The following DISC1 variants were observed in gnomAD, a reference collection of about 807,000 sequenced individuals.
The protein encoded by DISC1 is disrupted in schizophrenia 1 protein.
DISC1 carries 57 observed loss-of-function variants against 84.5 expected under a neutral mutation model. That is an observed-to-expected ratio of 0.67 (90% confidence interval 0.55 to 0.84). The LOEUF (loss-of-function observed/expected upper bound fraction) is 0.84. Among genes scored for constraint, DISC1 ranks in the 40% least tolerant of loss-of-function variants. The pLI is 0.00. For synonymous variants in DISC1, 411 were observed against 415.2 expected, an observed-to-expected ratio of 0.99 and a Z score of 0.12; for missense variants, 1,000 against 1,057.8, an observed-to-expected ratio of 0.95 and a Z score of 0.76.
At chr1:231,802,900 A>G (rs184249034) in intron 8 of DISC1, among the ~76,000 whole-genome samples, 2,330 of 152,070 alleles carry the variant, frequency 0.015, 38 homozygotes, top group Non-Finnish European at 0.021. Context: ...ACGGAGGCCC[A>G]TGAGGCTTCT....
At chr1:231,839,861 T>A (rs2082907707) in intron 9 of DISC1, among the ~76,000 whole-genome samples, 1 of 152,002 alleles carries the variant, frequency 6.6e-6, no homozygotes. Context: ...GGTGCCAGGC[T>A]CTTTTTAAAC....
At chr1:231,883,309 A>G (rs192873335) in intron 9 of DISC1, among the ~76,000 whole-genome samples, 24 of 152,252 alleles carry the variant, frequency 1.6e-4, no homozygotes, top group African/African-American at 5.3e-4. Context: ...TTCAGCAATG[A>G]ACAAAAAAAA....
At chr1:231,788,301 G>A (rs1338363691) in intron 6 of DISC1, among the ~76,000 whole-genome samples, 1 of 152,010 alleles carries the variant, frequency 6.6e-6, no homozygotes, top group Non-Finnish European at 1.5e-5. Flanking sequence ...AACAAAAAAA[G>A]TCCAAGAATC....
intron 9 of DISC1, among the ~76,000 whole-genome samples, chr1:231,838,526 T>C (rs2082789133): frequency 6.6e-6 from 1 of 152,200 alleles, no homozygotes; most frequent in Admixed American, 6.5e-5. Flanking sequence ...AGAACAACTG[T>C]AGCAAGAATA....
chr1:231,757,948 A>G (rs563991646), intron 4 of DISC1, among the ~76,000 whole-genome samples: 4 of 150,510 alleles, frequency 2.7e-5, no homozygotes, highest in Middle Eastern at 6.8e-3. Context: ...CAGGCACCCA[A>G]CAGGTTTATC....
intron 3 of DISC1, among the ~76,000 whole-genome samples, chr1:231,744,923 A>C (rs2073794585): frequency 6.6e-6 from 1 of 152,200 alleles, no homozygotes; most frequent in African/African-American, 2.4e-5. Flanking sequence ...TGTAAAAGAA[A>C]TGAAAATCAA....
intron 4 of DISC1, among the ~76,000 whole-genome samples, chr1:231,753,747 T>A (rs1221959531): frequency 1.3e-5 from 2 of 152,248 alleles, no homozygotes; most frequent in African/African-American, 4.8e-5. Flanking sequence ...GTTTCCTCTT[T>A]AAATATAAGT....
chr1:231,846,610 A>G lies in DISC1; in HGVS notation c.1981+28093A>G, dbSNP rs571084575. ...AGGTAGACACTCACGGTGCAGGGAC[A>G]CGCCAGTTCCAAATCGCATCTTTAC... On this transcript the variant is annotated intron_variant, in intron 9 of 12. Transcript: ENST00000439617. 3.9e-5 allele frequency among the ~76,000 whole-genome samples: 6 copies of G among 152,356 alleles called. No homozygotes were observed. The South Asian group carries it at 6.2e-4, about 16-fold the overall frequency.
intron 1 of DISC1, among the ~76,000 whole-genome samples, chr1:231,677,574 A>T (rs2125518200): frequency 6.6e-6 from 1 of 152,390 alleles, no homozygotes; most frequent in South Asian, 2.1e-4. Flanking sequence ...TCCTTACGAC[A>T]GCCTTTCAGG....
intron 9 of DISC1, among the ~76,000 whole-genome samples, chr1:231,913,862 T>A (rs199512910): frequency 6.6e-6 from 1 of 152,140 alleles, no homozygotes; most frequent in African/African-American, 2.4e-5. Context: ...ACATGCCGAG[T>A]GTCCATCTCC....
intron 8 of DISC1, among the ~76,000 whole-genome samples, chr1:231,808,937 C>A (rs981227394): frequency 6.6e-6 from 1 of 152,094 alleles, no homozygotes; most frequent in Non-Finnish European, 1.5e-5. Context: ...CACAGAGAGT[C>A]GGGAGGGCAG....
rs936789626 is a variant in DISC1, at chr1:231,834,149, G to C, written c.1981+15632G>C. 4.6e-5 allele frequency among the ~76,000 whole-genome samples: 7 copies of C among 152,092 alleles called. No individual in the cohort carries two copies. In the East Asian group the frequency reaches 1.4e-3, roughly 29 times the overall value. On this transcript the variant is annotated intron_variant, in intron 9 of 12. Transcript: ENST00000439617. ...CCAGCCACCTTTTTAAGAGGAAATT[G>C]CTGGGCAGGTGGGGGAGGGCTAGTC... is the stretch of plus-strand genomic sequence containing the variant.
chr1:231,855,521 C>A (rs201643007), intron 9 of DISC1: 106 of 731,178 alleles, frequency 1.4e-4, no homozygotes, highest in Non-Finnish European at 1.7e-4. Context: ...TTTGAACTCT[C>A]TTCATGAAGT....
chr1:231,955,329 T>G (rs1020374117), intron 9 of DISC1, among the ~76,000 whole-genome samples: 1 of 152,104 alleles, frequency 6.6e-6, no homozygotes, highest in Non-Finnish European at 1.5e-5. Flanking sequence ...ACTTGACATC[T>G]CCACTGAATT....
intron 3 of DISC1, among the ~76,000 whole-genome samples, chr1:231,734,535 A>G (rs1455483726): frequency 3.9e-5 from 6 of 152,098 alleles, no homozygotes; most frequent in Admixed American, 6.6e-5. Context: ...ACACACACAC[A>G]AGCTTGCTAG....
At chr1:231,814,144 C>T (rs2080633879) in intron 8 of DISC1, among the ~76,000 whole-genome samples, 1 of 152,088 alleles carries the variant, frequency 6.6e-6, no homozygotes, top group South Asian at 2.1e-4. Context: ...AATCTGCCTG[C>T]TAAGTAACAA....
intron 10 of DISC1, among the ~76,000 whole-genome samples, chr1:231,991,352 G>A (rs1054155960): frequency 2.0e-5 from 3 of 152,228 alleles, no homozygotes; most frequent in Non-Finnish European, 4.4e-5. Flanking sequence ...TTGAGCTGCT[G>A]GAATGTATTC....
At chr1:231,664,772 C>G (rs151140337) in intron 1 of DISC1, among the ~76,000 whole-genome samples, 1 of 151,712 alleles carries the variant, frequency 6.6e-6, no homozygotes, top group Admixed American at 6.6e-5. Flanking sequence ...AGTTGACCCT[C>G]GAACGACACA....
At chr1:231,645,781 C>G (rs370762349) in intron 1 of DISC1, among the ~76,000 whole-genome samples, 2 of 151,966 alleles carry the variant, frequency 1.3e-5, no homozygotes, top group African/African-American at 2.4e-5. Flanking sequence ...TCTGTCCTTG[C>G]GATAGTTTGC....
Sources: gnomAD v4.1 joint callset for allele counts (sites outside exome capture counted in the v4.1 genomes callset) on GRCh38, gnomAD v4.1.1 for gene constraint, MANE v1.5 for transcripts, NCBI Gene and HGNC (gene_info 2026-07-23, HGNC 2026-07-21) for gene names.